Variants in GPR137B observed in about 807,000 individuals in gnomAD.
GPR137B encodes the protein integral membrane protein GPR137B.
Under a neutral mutation model 42.5 loss-of-function variants are expected in GPR137B, and 42 were observed. The observed-to-expected ratio is 0.99, with a 90% CI of 0.77 to 1.28. GPR137B has a LOEUF of 1.28. GPR137B is among the 50% of genes most tolerant of loss of function. GPR137B has a pLI of 0.00. For synonymous variants in GPR137B, 218 were observed against 209.7 expected, an observed-to-expected ratio of 1.04 and a Z score of -0.34; for missense variants, 487 against 493.9, an observed-to-expected ratio of 0.99 and a Z score of 0.13.
intron 5 of GPR137B, among the ~76,000 whole-genome samples, chr1:236,203,392 T>A (rs1663556613): frequency 6.6e-6 from 1 of 152,200 alleles, no homozygotes; most frequent in African/African-American, 2.4e-5. Context: ...TGTCTGTTCC[T>A]ATACCAGTAC....
rs74411354 is a variant in GPR137B at position 236,168,869 on chromosome 1, G to A, written c.464+114G>A. 1.7e-3 allele frequency: 1,360 copies of A among 804,134 alleles called. 17 individuals are homozygous for A. In the African/African-American group the frequency reaches 0.02, roughly 12 times the overall value. 49.8% of individuals were successfully genotyped at this position (804,134 alleles called of 1,614,324 possible). A position where few individuals can be genotyped will look rare whatever the true frequency, so the allele number is the denominator to read the frequency against. ...GCTGTTCTGTGAGCCGCCGGAAACA[G>A]TCCTGCCTGCTGGCTGGCTGCCCAC... On this transcript the variant is annotated intron_variant, in intron 2 of 6. Transcript: ENST00000366592.
rs111573007 is a variant in GPR137B at position 236,159,969 on chromosome 1, G to A, written c.415-8737G>A. ...GGCCAGCTGGGGACATCTCCCAGCC[G>A]TGGCTCAGCCTTCAACAAGTCAAAA... On this transcript the variant is annotated intron_variant, in intron 1 of 6. Transcript: ENST00000366592. Among the ~76,000 whole-genome samples, 829 of 152,308 alleles carry A rather than the reference G, an allele frequency of 5.4e-3. 8 individuals are homozygous for A. Among genetic ancestry groups the A allele is most frequent in the African/African-American group, 0.019 (780 of 41,566 alleles).
intron 1 of GPR137B, among the ~76,000 whole-genome samples, chr1:236,148,357 C>T (rs987824361): frequency 6.6e-6 from 1 of 152,214 alleles, no homozygotes; most frequent in Non-Finnish European, 1.5e-5. Context: ...AGCCACGTAT[C>T]CCAGCCCTTC....
chr1:236,166,994 G>A (rs1239019788), intron 1 of GPR137B, among the ~76,000 whole-genome samples: 8 of 152,128 alleles, frequency 5.3e-5, no homozygotes, highest in Admixed American at 2.0e-4. Flanking sequence ...GTTGAGCACC[G>A]GGGTTCAGGA....
At chr1:236,204,298 ATTTGGTTTACTAGTATTT>A (rs1663584758) in intron 5 of GPR137B, among the ~76,000 whole-genome samples, 1 of 152,154 alleles carries the variant, frequency 6.6e-6, no homozygotes, top group Non-Finnish European at 1.5e-5. Context: ...GTATTGTTGA[ATTTGGTTTACTAGTATTT>A]TGTTGAAGAT....
Position 236,152,795 on chromosome 1 carries a change from C to T in GPR137B, c.414+9759C>T, listed in dbSNP as rs1013287420. Among the ~76,000 whole-genome samples, 25 of 151,214 alleles carry T rather than the reference C, an allele frequency of 1.7e-4. 1 individual carries two copies. The highest frequency in any genetic ancestry group is 6.1e-4 in the African/African-American group (25 of 41,082). On this transcript the variant is annotated intron_variant, in intron 1 of 6. Transcript: ENST00000366592. ...GTATTGGGCTAGGTGCAGTGGATCA[C>T]GTCTATAATCCCAGCACTTTGGGAG...
intron 4 of GPR137B, 72 bp downstream of exon 4, chr1:236,180,100 C>G (rs764183856): frequency 2.2e-6 from 3 of 1,359,586 alleles, no homozygotes; most frequent in African/African-American, 1.4e-5. Context: ...GGTTCCAGGA[C>G]CCCAGAAAAT....
intron 2 of GPR137B, among the ~76,000 whole-genome samples, chr1:236,173,151 C>A (rs115686135): frequency 6.6e-6 from 1 of 151,206 alleles, no homozygotes; most frequent in Non-Finnish European, 1.5e-5. Flanking sequence ...ATCAGCTGGG[C>A]GTAGTGGTGC....
chr1:236,156,660 C>T lies in GPR137B; in HGVS notation c.415-12046C>T, dbSNP rs1329363996. On this transcript the variant is annotated intron_variant, in intron 1 of 6. Transcript: ENST00000366592. This position sits in a 1 kb window ranked among gnomAD's most constrained non-coding sequence, Gnocchi z 4.8. The stretch of plus-strand genomic sequence containing the variant: ...GGGAACCCTGCAGAAAGGAGAACTC[C>T]GGTGTCTGGATTTCGGGGACCGACT... Among the ~76,000 whole-genome samples the T allele has an allele frequency of 1.3e-5, 2 of 152,226 alleles. No homozygotes were observed. The highest frequency in any genetic ancestry group is 2.4e-5 in the African/African-American group (1 of 41,452).
At chr1:236,164,073 C>G (rs746987200) in intron 1 of GPR137B, among the ~76,000 whole-genome samples, 6 of 151,988 alleles carry the variant, frequency 3.9e-5, no homozygotes, top group African/African-American at 9.7e-5. Flanking sequence ...CCATGCCTCC[C>G]CACACCTCTC....
intron 3 of GPR137B, among the ~76,000 whole-genome samples, 170 bp from the exon 4 acceptor site, chr1:236,179,709 G>A (rs561569488): frequency 1.6e-4 from 24 of 152,318 alleles, no homozygotes; most frequent in African/African-American, 5.5e-4. Flanking sequence ...GAAGACACTT[G>A]AAATTGTAGG....
chr1:236,172,685 T>C (rs915332084), intron 2 of GPR137B, among the ~76,000 whole-genome samples: 17 of 151,362 alleles, frequency 1.1e-4, no homozygotes, highest in Non-Finnish European at 2.5e-4. Flanking sequence ...AGCCAGGTTT[T>C]CCTTTTTTTT....
chr1:236,208,455 G>T lies in GPR137B; in HGVS notation c.*297G>T, dbSNP rs577944387. ...AATAATAATGCTAAAGTATACTAGG[G>T]TTTTTTTTTCTTGAGAATGTTACTG... On this transcript the variant is annotated 3_prime_UTR_variant, in exon 7 of 7. Transcript: ENST00000366592. 4 of 826,208 alleles carry T rather than the reference G, an allele frequency of 4.8e-6. No homozygotes were observed. Among genetic ancestry groups the T allele is most frequent in the Non-Finnish European group, 6.0e-6 (4 of 661,290 alleles). The allele number at this position is 826,208 out of a possible 1,614,324, so 51.2% of individuals were successfully genotyped here. A position where few individuals can be genotyped will look rare whatever the true frequency, so the allele number is the denominator to read the frequency against.
At chr1:236,151,416 T>TC (rs776236370) in intron 1 of GPR137B, among the ~76,000 whole-genome samples, 3,166 of 140,948 alleles carry the variant, frequency 0.022, 243 homozygotes, top group East Asian at 0.22. Flanking sequence ...TGTTGCATAT[T>TC]CATTTTTTTT....
rs1238672246 is a variant in GPR137B, at chr1:236,205,229, C to A, written c.1070C>A (p.Ala357Asp). The change falls in exon 6 of 7, where the codon GCC becomes GAC. Residue 357 changes from alanine to aspartate, a missense_variant. By Grantham distance (126) the Ala-to-Asp change is moderately radical. Coordinates refer to ENST00000366592, the MANE Select transcript of GPR137B (RefSeq NM_003272.4). ...GATGATGACCTTGCCTGGAACATTG[C>A]CCCTCAGGGACTTCAGGGAGGGTAA... ...DSDDDLAWNI[A>D]PQGLQGGFAP... 6.2e-7 allele frequency: 1 copy of A among 1,613,188 alleles called. No individual in the cohort carries two copies. The highest frequency in any genetic ancestry group is 8.5e-7 in the Non-Finnish European group (1 of 1,179,248).
At position 236,207,609 on chromosome 1, in the gene GPR137B, C is replaced by A. The variant is rs112449694; in HGVS notation, c.1092-441C>A. Among the ~76,000 whole-genome samples, 97 of 152,326 alleles carry A rather than the reference C, an allele frequency of 6.4e-4. 1 individual carries two copies. The highest frequency in any genetic ancestry group is 3.4e-3 in the Middle Eastern group (1 of 294). On this transcript the variant is annotated intron_variant, in intron 6 of 6. Coordinates refer to ENST00000366592, the MANE Select transcript of GPR137B (RefSeq NM_003272.4). ...AATTAACTATATATTAGACACTGTT[C>A]TAAGCACTTTACAGATGTTAACTCA...
chr1:236,184,021 A>G (rs1571994162), intron 5 of GPR137B, 115 bp downstream of exon 5: 2 of 665,426 alleles, frequency 3.0e-6, no homozygotes, highest in African/African-American at 1.9e-5. Flanking sequence ...TTGTGGTGGT[A>G]TGAAAAGTTT....
chr1:236,174,470 A>C lies in GPR137B; in HGVS notation c.465-3944A>C, dbSNP rs144438486. On this transcript the variant is annotated intron_variant, in intron 2 of 6. Transcript: ENST00000366592. ...AAGATGCGGGGTGGGGCTTTAGGGC[A>C]AAGATGAATTAGGAAACTACATTAG... Among the ~76,000 whole-genome samples the C allele has an allele frequency of 5.6e-4, 86 of 152,262 alleles. 1 individual carries two copies. In the East Asian group the frequency reaches 6.0e-3, roughly 11 times the overall value.
Position 236,178,549 on chromosome 1 carries a change from G to C in GPR137B, c.600G>C (p.Thr200=). 1 of 1,612,938 alleles carries C rather than the reference G, an allele frequency of 6.2e-7. No homozygotes were observed. Among genetic ancestry groups the C allele is most frequent in the Non-Finnish European group, 8.5e-7 (1 of 1,179,382 alleles). Residue 200 remains threonine (T), a synonymous_variant, in exon 3 of 7, where the codon ACG becomes ACC. Coordinates refer to ENST00000366592, the MANE Select transcript of GPR137B (RefSeq NM_003272.4). The part of the protein sequence containing the change: ...IVSVRVAIND[T]LFVLCAVSLS... Reference sequence around the variant, plus strand: ...CTGTGCGAGTGGCCATTAATGACACGCTCTTCGTGCTGTGTGCCGTCTCTC... The same window carrying C: ...CTGTGCGAGTGGCCATTAATGACACCCTCTTCGTGCTGTGTGCCGTCTCTC...
Sources: gnomAD v4.1 joint callset for allele counts (sites outside exome capture counted in the v4.1 genomes callset) on GRCh38, gnomAD v4.1.1 for gene constraint, Gnocchi (gnomAD v3.1) non-coding constraint, MANE v1.5 for transcripts, NCBI Gene and HGNC (gene_info 2026-07-23, HGNC 2026-07-21) for gene names.